SH3PXD2B: variants seen among roughly 807,000 people sequenced by gnomAD.
The protein encoded by SH3PXD2B is SH3 and PX domain-containing protein 2B.
A neutral mutation model predicts 73.1 loss-of-function variants in SH3PXD2B; 37 were observed. The observed-to-expected ratio is 0.51, with a 90% confidence interval of 0.39 to 0.67. SH3PXD2B has a LOEUF of 0.67. Ranked by LOEUF, SH3PXD2B falls within the 30% of genes least tolerant of loss-of-function variation. The pLI is 0.00. For missense variants in SH3PXD2B, 1,053 were observed against 1,197.8 expected, an observed-to-expected ratio of 0.88 and a Z score of 1.78; for synonymous variants, 457 against 480.5, an observed-to-expected ratio of 0.95 and a Z score of 0.64.
intron 1 of SH3PXD2B, among the ~76,000 whole-genome samples, chr5:172,427,692 G>C (rs1759129662): frequency 6.6e-6 from 1 of 151,906 alleles, no homozygotes; most frequent in African/African-American, 2.4e-5. Context: ...AGTCTAGGGA[G>C]ATGAAAAAAG....
chr5:172,406,392 A>G, intron 2 of SH3PXD2B, 40 bp from the exon 3 acceptor site: 1 of 1,593,968 alleles, frequency 6.3e-7, no homozygotes, highest in Non-Finnish European at 8.6e-7. Context: ...AACCTTTCAT[A>G]ATGCACTAAA....
At chr5:172,342,739 C>T (rs542842612) in intron 12 of SH3PXD2B, among the ~76,000 whole-genome samples, 4 of 151,588 alleles carry the variant, frequency 2.6e-5, no homozygotes, top group African/African-American at 7.3e-5. Context: ...CCAGCCTGGG[C>T]GACAGAGCAA....
At chr5:172,383,388 A>T (rs191164737) in intron 4 of SH3PXD2B, among the ~76,000 whole-genome samples, 2 of 152,330 alleles carry the variant, frequency 1.3e-5, no homozygotes, top group Non-Finnish European at 2.9e-5. Context: ...TCATTCAATG[A>T]TTCAATGAGC....
chr5:172,432,868 T>C (rs1759280266), intron 1 of SH3PXD2B, among the ~76,000 whole-genome samples: 1 of 137,032 alleles, frequency 7.3e-6, no homozygotes, highest in Non-Finnish European at 1.5e-5. Flanking sequence ...GCTGAGGTTG[T>C]GCTTTGCACT....
intron 12 of SH3PXD2B, among the ~76,000 whole-genome samples, chr5:172,342,760 C>T (rs1475040106): frequency 2.0e-5 from 3 of 147,848 alleles, no homozygotes; most frequent in African/African-American, 7.5e-5. Flanking sequence ...GACTCTGTCT[C>T]GAAAAAAAAA....
In SH3PXD2B at chr5:172,453,881, G is replaced by A. The variant is rs559705348; in HGVS notation, c.75+397C>T. Among the ~76,000 whole-genome samples, 230 of 152,282 alleles carry A rather than the reference G, an allele frequency of 1.5e-3. 1 individual carries two copies. The highest frequency in any genetic ancestry group is 5.2e-3 in the African/African-American group (218 of 41,564). The stretch of plus-strand genomic sequence containing the variant: ...TCTGCGCGCCTCTGGACAAGGAGGG[G>A]CAAGGCGGGCGGCCTGAGAACAGGC... On this transcript the variant is annotated intron_variant, in intron 1 of 12. Coordinates refer to ENST00000311601, the MANE Select transcript of SH3PXD2B (RefSeq NM_001017995.3).
chr5:172,331,696 A>G (rs1756559475), downstream of SH3PXD2B, among the ~76,000 whole-genome samples: 1 of 152,234 alleles, frequency 6.6e-6, no homozygotes, highest in Non-Finnish European at 1.5e-5. Context: ...TCATGCCTGT[A>G]ATCCCAGCAC....
chr5:172,379,374 T>C (rs940460302), intron 5 of SH3PXD2B, among the ~76,000 whole-genome samples: 12 of 149,402 alleles, frequency 8.0e-5, no homozygotes, highest in Non-Finnish European at 3.0e-5. Flanking sequence ...TCTCTCTCTC[T>C]CCCATGTGGG....
chr5:172,394,214 G>A (rs1758246699), intron 4 of SH3PXD2B, among the ~76,000 whole-genome samples: 1 of 152,180 alleles, frequency 6.6e-6, no homozygotes, highest in Non-Finnish European at 1.5e-5. Context: ...CAAAATGCTG[G>A]GATTATAGGC....
At position 172,350,429 on chromosome 5, in the gene SH3PXD2B, G is replaced by C; in HGVS notation, c.946C>G (p.Leu316Val). Residue 316 changes from leucine to valine, a missense_variant, in exon 10 of 13, where the codon CTG (leucine) becomes GTG (valine). This residue lies in a region of SH3PXD2B where 466 missense variants were observed against 607.1 expected (regional missense o/e 0.77). Coordinates refer to ENST00000311601, the MANE Select transcript of SH3PXD2B (RefSeq NM_001017995.3). ...CGCCCGTCCCTCTGGCTGCTGAGCA[G>C]CTCCTTCTCCCTGCCCACCGCGTTC... ...QQNAVGREKE[L>V]LSSQRDGRFE... The C allele has an allele frequency of 1.2e-6, 2 of 1,614,040 alleles. No homozygotes were observed.
In SH3PXD2B at chr5:172,423,131, G is replaced by A. The variant is rs561811127; in HGVS notation, c.76-635C>T. Among the ~76,000 whole-genome samples, 117 of 152,250 alleles carry A rather than the reference G, an allele frequency of 7.7e-4. 2 individuals carry two copies. Among genetic ancestry groups the A allele is most frequent in the African/African-American group, 2.5e-3 (105 of 41,532 alleles). On this transcript the variant is annotated intron_variant, in intron 1 of 12. Transcript: ENST00000311601. ...GCTTCCAACCTGTGTCACACGTCAC[G>A]GCACGCACAGAAAACAATACATTGA...
chr5:172,346,747 C>G (rs1013132411), intron 11 of SH3PXD2B, among the ~76,000 whole-genome samples: 1 of 151,866 alleles, frequency 6.6e-6, no homozygotes, highest in Non-Finnish European at 1.5e-5. Flanking sequence ...CTGCATGGCA[C>G]GCAACAGGTG....
chr5:172,443,416 A>C lies in SH3PXD2B; in HGVS notation c.75+10862T>G, dbSNP rs373744137. On this transcript the variant is annotated intron_variant, in intron 1 of 12. Coordinates refer to ENST00000311601, the MANE Select transcript of SH3PXD2B (RefSeq NM_001017995.3). ...CCCTCTGAATTCCACCCATGTAAAG[A>C]ACCCCACTGCTAGTCAGCTTTCCCA... 2.0e-5 allele frequency among the ~76,000 whole-genome samples: 3 copies of C among 152,326 alleles called. No homozygotes were observed. In the South Asian group the frequency reaches 6.2e-4, roughly 32 times the overall value.
rs776726835 is a variant in SH3PXD2B at position 172,350,288 on chromosome 5, G to A, written c.1012+75C>T. On this transcript the variant is annotated intron_variant, in intron 10 of 12. Transcript: ENST00000311601. ...CTGGGCTGCTGTGAGGATGAGGGAC[G>A]ATGTGAGACGCCTTGAGCACAGAGC... The A allele has an allele frequency of 1.8e-5, 26 of 1,447,696 alleles. 2 individuals carry two copies. The Admixed American group carries it at 2.0e-4, about 11-fold the overall frequency. The allele number at this position is 1,447,696 out of a possible 1,614,324, so 89.7% of individuals were successfully genotyped here. A position where few individuals can be genotyped will look rare whatever the true frequency, so the allele number is the denominator to read the frequency against.
At chr5:172,364,675 CCCAAAAAAA>C (rs1202541221) in intron 6 of SH3PXD2B, among the ~76,000 whole-genome samples, 4 of 151,054 alleles carry the variant, frequency 2.6e-5, no homozygotes, top group East Asian at 1.9e-4. Context: ...CCGCTCCCCG[CCCAAAAAAA>C]CCAAAAAAAC....
chr5:172,369,022 G>A (rs1403134451), intron 6 of SH3PXD2B, among the ~76,000 whole-genome samples: 1 of 149,882 alleles, frequency 6.7e-6, no homozygotes, highest in Non-Finnish European at 1.5e-5. Flanking sequence ...AGCCTCCTGA[G>A]TAGGTGGGAT....
At position 172,346,259 on chromosome 5, in the gene SH3PXD2B, A is replaced by T; in HGVS notation, c.1065T>A (p.Pro355=). 6.2e-7 allele frequency: 1 copy of T among 1,613,718 alleles called. No homozygotes were observed. Among genetic ancestry groups the T allele is most frequent in the Non-Finnish European group, 8.5e-7 (1 of 1,179,976 alleles). Residue 355 remains proline (P), a splice_region_variant and synonymous_variant, in exon 12 of 13, where the codon CCT becomes CCA. Coordinates refer to ENST00000311601, the MANE Select transcript of SH3PXD2B (RefSeq NM_001017995.3). ...RPPPRRDMTI[P]RGLNLPKPPI... ...GCGGCTTCGGCAGGTTGAGGCCTCGAGGCTGGTACGATCACACACAGGGTT... is the reference window on the plus strand; with the variant it reads ...GCGGCTTCGGCAGGTTGAGGCCTCGTGGCTGGTACGATCACACACAGGGTT...
At chr5:172,355,693 C>T (rs1757256733) in intron 8 of SH3PXD2B, among the ~76,000 whole-genome samples, 1 of 151,932 alleles carries the variant, frequency 6.6e-6, no homozygotes, top group African/African-American at 2.4e-5. Flanking sequence ...TACAGGTGCC[C>T]GCCACCACGC....
At position 172,454,354 on chromosome 5, in the gene SH3PXD2B, G is replaced by T. The variant is rs1260153674; in HGVS notation, c.-2C>A. 8.6e-6 allele frequency: 13 copies of T among 1,511,000 alleles called. No homozygotes were observed. The highest frequency in any genetic ancestry group is 9.7e-6 in the Non-Finnish European group (11 of 1,131,550). 93.6% of individuals were successfully genotyped at this position (1,511,000 alleles called of 1,614,324 possible). A position where few individuals can be genotyped will look rare whatever the true frequency, so the allele number is the denominator to read the frequency against. On this transcript the variant is annotated 5_prime_UTR_variant, in exon 1 of 13. Coordinates refer to ENST00000311601, the MANE Select transcript of SH3PXD2B (RefSeq NM_001017995.3). ...CACGATGCTGCGCCGCGGCGGCATG[G>T]CCGCTCCTCCGCCCGCAGCGGGCCG...
Sources: allele counts gnomAD v4.1 joint callset (sites outside exome capture counted in the v4.1 genomes callset), GRCh38; gene constraint gnomAD v4.1.1; regional missense constraint gnomAD v4.1.1; transcripts MANE v1.5; gene names NCBI Gene and HGNC (gene_info 2026-07-23, HGNC 2026-07-21).